TLE6: variants seen among roughly 807,000 people sequenced by gnomAD.
The protein encoded by TLE6 is transducin-like enhancer protein 6.
A neutral mutation model predicts 77.1 loss-of-function variants in TLE6; 72 were observed. The ratio of observed to expected loss-of-function variants is 0.93; its 90% CI spans 0.77 to 1.14. TLE6 has a LOEUF of 1.14. Ranked by LOEUF, TLE6 falls within the 50% of genes most tolerant of loss-of-function variation. The pLI is 0.00. For missense variants in TLE6, 843 were observed against 747.6 expected, an observed-to-expected ratio of 1.13 and a Z score of -1.49; for synonymous variants, 366 against 287.3, an observed-to-expected ratio of 1.27 and a Z score of -2.77.
intron 16 of TLE6, 37 bp from the exon 17 acceptor site, chr19:2,994,863 C>A: frequency 7.7e-7 from 1 of 1,303,626 alleles, no homozygotes; most frequent in Non-Finnish European, 1.1e-6. Context: ...GGTGTGTGAG[C>A]CCTACCCCAG....
At chr19:2,992,793 A>AACGGGGGGG (rs1487334518) in intron 14 of TLE6, among the ~76,000 whole-genome samples, 315 of 19,736 alleles carry the variant, frequency 0.016, 116 homozygotes, top group Non-Finnish European at 0.019. Flanking sequence ...AAAAAAAAAA[A>AACGGGGGGG]GGGGGGGAGG....
At chr19:2,981,026 G>A (rs1179895589) in intron 3 of TLE6, among the ~76,000 whole-genome samples, 1 of 151,530 alleles carries the variant, frequency 6.6e-6, no homozygotes, top group African/African-American at 2.4e-5. Flanking sequence ...ACCCTAGCCC[G>A]GGCAACAGGG....
chr19:2,991,425 C>CATT (rs2089060616), intron 13 of TLE6, among the ~76,000 whole-genome samples: 1 of 135,566 alleles, frequency 7.4e-6, no homozygotes, highest in Non-Finnish European at 1.6e-5. Context: ...CACACACACA[C>CATT]ATATATATAA....
chr19:2,991,421 CACACAT>C lies in TLE6; in HGVS notation c.1245-420_1245-415del, dbSNP rs976205718. On this transcript the variant is annotated intron_variant, in intron 13 of 16. Coordinates refer to ENST00000246112, the MANE Select transcript of TLE6 (RefSeq NM_001143986.2). ...ACACACACACACACACACACACACA[CACACAT>C]ATATATAATATATGTATTTATAACA... Among the ~76,000 whole-genome samples the C allele has an allele frequency of 2.2e-4, 31 of 141,068 alleles. No homozygotes were observed. The South Asian group carries it at 2.7e-3, about 12-fold the overall frequency. 92.5% of individuals were successfully genotyped at this position (141,068 alleles called of 152,430 possible). A position where few individuals can be genotyped will look rare whatever the true frequency, so the allele number is the denominator to read the frequency against.
intron 2 of TLE6, among the ~76,000 whole-genome samples, chr19:2,978,840 G>A (rs760203344): frequency 3.5e-4 from 53 of 152,112 alleles, no homozygotes; most frequent in Admixed American, 8.5e-4. Flanking sequence ...AGCAATCCCC[G>A]CTCCCTGCAC....
intron 5 of TLE6, chr19:2,984,153 C>T (rs1282967702): frequency 1.3e-5 from 2 of 152,320 alleles, no homozygotes; most frequent in Non-Finnish European, 1.5e-5. Flanking sequence ...CTGCCACTCT[C>T]CCCCGGGAGG....
chr19:2,988,276 A>G, intron 11 of TLE6, 148 bp downstream of exon 11: 1 of 932,586 alleles, frequency 1.1e-6, no homozygotes, highest in Non-Finnish European at 1.6e-6. Context: ...ATCCTCTCCA[A>G]CAGCCGCTGC....
intron 8 of TLE6, 101 bp from the exon 9 acceptor site, chr19:2,987,623 C>A (rs2088945576): frequency 2.2e-6 from 3 of 1,383,536 alleles, no homozygotes; most frequent in East Asian, 2.3e-5. Context: ...AGACAGGACC[C>A]CAGGCAGCTG....
intron 3 of TLE6, 79 bp from the exon 4 acceptor site, chr19:2,981,459 A>C: frequency 2.1e-6 from 3 of 1,454,586 alleles, no homozygotes; most frequent in Non-Finnish European, 1.9e-6. Context: ...GACCCTCCCT[A>C]GGGGTTGAGG....
intron 16 of TLE6, among the ~76,000 whole-genome samples, chr19:2,994,390 C>G (rs936329585): frequency 6.6e-6 from 1 of 152,168 alleles, no homozygotes; most frequent in African/African-American, 2.4e-5. Flanking sequence ...ACGGGCAGAT[C>G]ATGAGGTCAG....
In TLE6 at chr19:2,993,566, C is replaced by T. The variant is rs773612178; in HGVS notation, c.1521C>T (p.Val507=). ...VGQKDSVILS[V]KFSPFGQWWA... ...AAAAAGACAGCGTCATCCTGAGCGT[C>T]AAGTTCTCCCCCTTTGGTAAGCGGC... is the stretch of plus-strand genomic sequence containing the variant. Residue 507 remains valine (V), a synonymous_variant, in exon 15 of 17, where the codon GTC becomes GTT. Coordinates refer to ENST00000246112, the MANE Select transcript of TLE6 (RefSeq NM_001143986.2). 1.9e-6 allele frequency: 3 copies of T among 1,572,272 alleles called. No homozygotes were observed. The highest frequency in any genetic ancestry group is 4.6e-5 in the East Asian group (2 of 43,716).
Position 2,989,688 on chromosome 19 carries a change from C to T in TLE6, c.1147C>T (p.Gln383Ter). Residue 383 changes from glutamine (Q) to a stop codon, truncating the protein, a stop_gained, in exon 13 of 17, where the codon CAG becomes TAG. Coordinates refer to ENST00000246112, the MANE Select transcript of TLE6 (RefSeq NM_001143986.2). LOFTEE classifies it high-confidence loss of function. ...GTTGCCCTGTGCAGGTCTCAACTGC[C>T]AGGCCCTGGATGCCAACCTGGATGC... ...EQLPCAGLNC[Q>*]ALDANLDANL... 1 of 1,614,206 alleles carries T rather than the reference C, an allele frequency of 6.2e-7. No individual in the cohort carries two copies. The highest frequency in any genetic ancestry group is 1.7e-4 in the Middle Eastern group (1 of 6,060).
At chr19:2,981,227 G>T (rs1188928520) in intron 3 of TLE6, among the ~76,000 whole-genome samples, 44 of 151,884 alleles carry the variant, frequency 2.9e-4, no homozygotes, top group Non-Finnish European at 1.5e-5. Context: ...GGGTGTGGTG[G>T]CAGGTGTCTG....
chr19:2,993,840 C>G (rs931888024), intron 15 of TLE6, among the ~76,000 whole-genome samples, 179 bp from the exon 16 acceptor site: 1 of 148,324 alleles, frequency 6.7e-6, no homozygotes, highest in Non-Finnish European at 1.5e-5. Flanking sequence ...CCCATGAGCC[C>G]GGGGAGGCTG....
intron 5 of TLE6, among the ~76,000 whole-genome samples, chr19:2,984,630 GC>G (rs1413188698): frequency 6.6e-6 from 1 of 151,954 alleles, no homozygotes; most frequent in Non-Finnish European, 1.5e-5. Context: ...ACCATGCCTG[GC>G]TAACTTTTAT....
At chr19:2,982,244 AGCACAGAGGGGGGCCGG>A (rs2088812669) in intron 5 of TLE6, 55 bp downstream of exon 5, 1 of 1,542,720 alleles carries the variant, frequency 6.5e-7, no homozygotes, top group Non-Finnish European at 8.8e-7. Flanking sequence ...GGCATGAGAA[AGCACAGAGGGGGGCCGG>A]GCACAGTGGC....
In TLE6 at chr19:2,987,712, T is replaced by C; in HGVS notation, c.559-12T>C. 6.2e-7 allele frequency: 1 copy of C among 1,614,054 alleles called. No individual in the cohort carries two copies. The highest frequency in any genetic ancestry group is 8.5e-7 in the Non-Finnish European group (1 of 1,179,988). On this transcript the variant is annotated splice_polypyrimidine_tract_variant and intron_variant, in intron 8 of 16. Transcript: ENST00000246112. ...AGGTCAGCAGGCCTGATGAGACTTT[T>C]CCATTTTCCAGGGGCAGGAAAGCAA...
chr19:2,979,076 G>A (rs548319860), intron 2 of TLE6, among the ~76,000 whole-genome samples: 1 of 149,696 alleles, frequency 6.7e-6, no homozygotes, highest in African/African-American at 2.5e-5. Context: ...CTCGCCTCCC[G>A]AGTAGCTGGG....
Position 2,980,109 on chromosome 19 carries a change from G to A in TLE6, c.61G>A (p.Gly21Arg). The A allele has an allele frequency of 6.4e-7, 1 of 1,550,560 alleles. No homozygotes were observed. The highest frequency in any genetic ancestry group is 1.2e-5 in the South Asian group (1 of 84,010). ...GPPKSTSPCP[G>R]ISNSESSPTL... ...GCTTTGACCTTTCCAGCCTTGTCCT[G>A]GGATCTCGAACTCTGAGAGCTCTCC... is the stretch of plus-strand genomic sequence containing the variant. The change falls in exon 3 of 17, where the codon GGG (glycine) becomes AGG (arginine). Residue 21 changes from glycine to arginine, a missense_variant. By Grantham distance (125) the Gly-to-Arg change is moderately radical. Coordinates refer to ENST00000246112, the MANE Select transcript of TLE6 (RefSeq NM_001143986.2).
Sources: allele counts gnomAD v4.1 joint callset (sites outside exome capture counted in the v4.1 genomes callset), GRCh38; gene constraint gnomAD v4.1.1; transcripts MANE v1.5; gene names NCBI Gene and HGNC (gene_info 2026-07-23, HGNC 2026-07-21).